Variants in ATXN8OS observed in about 807,000 individuals in gnomAD.
ATXN8OS encodes the protein ATXN8 opposite strand (non-protein coding).
intron 3 of ATXN8OS, among the ~76,000 whole-genome samples, chr13:70,134,125 T>C (rs181827929): frequency 6.6e-6 from 1 of 152,330 alleles, no homozygotes; most frequent in Non-Finnish European, 1.5e-5. Context: ...GGATATCACT[T>C]ACTAACAAGA....
chr13:70,107,446 G>A, upstream of ATXN8OS: 1 of 1,614,146 alleles, frequency 6.2e-7, no homozygotes, highest in Non-Finnish European at 8.5e-7. Flanking sequence ...GGAAGAGGAG[G>A]AAGAGGACGG....
chr13:70,125,461 A>G (rs1010362358), intron 2 of ATXN8OS, among the ~76,000 whole-genome samples: 5 of 152,144 alleles, frequency 3.3e-5, no homozygotes, highest in African/African-American at 1.2e-4. Context: ...ATAATTTCAT[A>G]ACATCATCAA....
chr13:70,170,663 G>A (rs1889134099), exon 5 of ATXN8OS, among the ~76,000 whole-genome samples: 1 of 152,228 alleles, frequency 6.6e-6, no homozygotes, highest in East Asian at 1.9e-4. Flanking sequence ...TAAATAATAA[G>A]TGTGAAAACA....
At chr13:70,168,145 A>G (rs1409844705) in intron 4 of ATXN8OS, among the ~76,000 whole-genome samples, 1 of 152,052 alleles carries the variant, frequency 6.6e-6, no homozygotes, top group Non-Finnish European at 1.5e-5. Flanking sequence ...GATTGAACTG[A>G]TTAGGATTTC....
At chr13:70,154,192 C>A (rs1888907983) in intron 4 of ATXN8OS, among the ~76,000 whole-genome samples, 1 of 152,136 alleles carries the variant, frequency 6.6e-6, no homozygotes, top group Non-Finnish European at 1.5e-5. Flanking sequence ...TTTTGAGAGG[C>A]ATGTGGGGTT....
intron 1 of ATXN8OS, among the ~76,000 whole-genome samples, chr13:70,113,514 T>C (rs1426398810): frequency 6.6e-6 from 1 of 152,158 alleles, no homozygotes; most frequent in Non-Finnish European, 1.5e-5. Context: ...CACTGAAATT[T>C]GCCTGTATCA....
intron 4 of ATXN8OS, among the ~76,000 whole-genome samples, chr13:70,157,662 A>T (rs9317886): frequency 0.49 from 74,981 of 151,894 alleles, 20,865 homozygotes; most frequent in Non-Finnish European, 0.64. Flanking sequence ...CTTAACACAT[A>T]GTTGGGGAAT....
chr13:70,141,573 T>A (rs1160951269), intron 3 of ATXN8OS, among the ~76,000 whole-genome samples: 3 of 152,222 alleles, frequency 2.0e-5, no homozygotes, highest in Admixed American at 6.5e-5. Flanking sequence ...CTGTAAGAAA[T>A]TTATATATAC....
At position 70,146,489 on chromosome 13, in the gene ATXN8OS, CA is replaced by C. The variant is rs1186463993; in HGVS notation, n.500-864del. 2.0e-5 allele frequency among the ~76,000 whole-genome samples: 3 copies of C among 152,064 alleles called. No individual in the cohort carries two copies. In the East Asian group the frequency reaches 5.8e-4, roughly 29 times the overall value. On this transcript the variant is annotated intron_variant and non_coding_transcript_variant, in intron 3 of 4. Transcript: ENST00000678624. The stretch of plus-strand genomic sequence containing the variant: ...CGTATGTTTATTGTGTCACTATTCA[CA>C]ATAGCAAAGACTTGAAACCAACCCA...
chr13:70,140,600 T>C (rs1888700542), intron 3 of ATXN8OS, among the ~76,000 whole-genome samples: 1 of 151,794 alleles, frequency 6.6e-6, no homozygotes, highest in South Asian at 2.1e-4. Flanking sequence ...TTCATAGCTA[T>C]GATAACACTC....
intron 3 of ATXN8OS, among the ~76,000 whole-genome samples, chr13:70,141,236 G>A (rs1467087607): frequency 6.6e-6 from 1 of 151,846 alleles, no homozygotes; most frequent in African/African-American, 2.4e-5. Context: ...TTTCGTCATC[G>A]ATATATTTTA....
intron 2 of ATXN8OS, among the ~76,000 whole-genome samples, chr13:70,123,071 T>C (rs1327362997): frequency 6.6e-6 from 1 of 152,088 alleles, no homozygotes; most frequent in African/African-American, 2.4e-5. Flanking sequence ...GAGCAAATAT[T>C]AATCTAGGTC....
At chr13:70,147,686 A>T (rs534484835) in intron 4 of ATXN8OS, among the ~76,000 whole-genome samples, 3 of 152,246 alleles carry the variant, frequency 2.0e-5, no homozygotes, top group African/African-American at 7.2e-5. Context: ...TTCAGTAGTA[A>T]ACCAACAAAT....
At chr13:70,142,563 C>T (rs1310882761) in intron 3 of ATXN8OS, among the ~76,000 whole-genome samples, 5 of 152,148 alleles carry the variant, frequency 3.3e-5, no homozygotes, top group African/African-American at 1.2e-4. Context: ...CTCAAACTTT[C>T]TTTGTATGTC....
intron 4 of ATXN8OS, among the ~76,000 whole-genome samples, chr13:70,158,607 T>C (rs1037612037): frequency 3.9e-5 from 6 of 152,204 alleles, no homozygotes; most frequent in Non-Finnish European, 8.8e-5. Flanking sequence ...GGTCAGATAG[T>C]AAATATTTTG....
intron 3 of ATXN8OS, among the ~76,000 whole-genome samples, chr13:70,133,762 C>T (rs1842148276): frequency 1.3e-5 from 2 of 152,240 alleles, no homozygotes; most frequent in East Asian, 1.9e-4. Flanking sequence ...CAGGGAGATG[C>T]TCCCCTACAG....
chr13:70,149,174 CCTTT>C (rs1888828803), intron 4 of ATXN8OS, among the ~76,000 whole-genome samples: 1 of 151,828 alleles, frequency 6.6e-6, no homozygotes, highest in African/African-American at 2.4e-5. Flanking sequence ...CTGGAATTTC[CCTTT>C]CTAATTGTGT....
At chr13:70,116,830 G>C (rs1888286665) in intron 2 of ATXN8OS, among the ~76,000 whole-genome samples, 2 of 152,062 alleles carry the variant, frequency 1.3e-5, no homozygotes. Context: ...GCCAGGTCTG[G>C]CATTCATAGG....
chr13:70,141,455 T>C (rs1210857562), intron 3 of ATXN8OS, among the ~76,000 whole-genome samples: 1 of 152,180 alleles, frequency 6.6e-6, no homozygotes. Context: ...CTTTCAAATA[T>C]ATTTTTGGAA....
Sources: gnomAD v4.1 joint callset for allele counts (sites outside exome capture counted in the v4.1 genomes callset) on GRCh38, gnomAD v4.1.1 for gene constraint, MANE v1.5 for transcripts, NCBI Gene and HGNC (gene_info 2026-07-23, HGNC 2026-07-21) for gene names.